KPNB1: variants seen among roughly 807,000 people sequenced by gnomAD.
KPNB1 encodes the protein karyopherin subunit beta 1.
KPNB1 carries 7 observed loss-of-function variants against 113.0 expected under a neutral mutation model. The observed-to-expected ratio is 0.06, with a 90% CI of 0.04 to 0.12. KPNB1 has a LOEUF of 0.12. KPNB1 is among the 10% of genes least tolerant of loss of function. The pLI is 1.00. For missense variants in KPNB1, 400 were observed against 1,054.8 expected (o/e 0.38, Z 8.60); for synonymous variants, 363 against 378.6 (o/e 0.96, Z 0.48).
intron 15 of KPNB1, among the ~76,000 whole-genome samples, chr17:47,675,361 G>GTTTTTTGTTT (rs2030568899): frequency 3.4e-5 from 3 of 88,690 alleles, no homozygotes; most frequent in African/African-American, 4.6e-5. Context: ...CAGAGGTGTT[G>GTTTTTTGTTT]TTTTTTTTTT....
intron 2 of KPNB1, among the ~76,000 whole-genome samples, chr17:47,650,735 G>A (rs1287970305): frequency 2.0e-5 from 3 of 152,200 alleles, no homozygotes; most frequent in East Asian, 1.9e-4. Context: ...GAGAAAGAGG[G>A]AGGGAAGGGA....
rs200123721 is a variant in KPNB1 at position 47,657,024 on chromosome 17, G to A, written c.447G>A (p.Ser149=). 1.1e-4 allele frequency: 183 copies of A among 1,614,008 alleles called. No individual in the cohort carries two copies. Among genetic ancestry groups the A allele is most frequent in the Middle Eastern group, 3.3e-4 (2 of 6,084 alleles). Residue 149 remains serine, a synonymous_variant, in exon 4 of 22, where the codon TCG becomes TCA. Coordinates refer to ENST00000290158, the MANE Select transcript of KPNB1 (RefSeq NM_002265.6). ...NPNSTEHMKE[S]TLEAIGYICQ... ...ACAGCACAGAGCACATGAAGGAGTCGACATTGGAAGCCATCGGTTATATTT... is the reference window on the plus strand; with the variant it reads ...ACAGCACAGAGCACATGAAGGAGTCAACATTGGAAGCCATCGGTTATATTT...
Position 47,650,296 on chromosome 17 carries a change from G to A in KPNB1, c.40+12G>A, listed in dbSNP as rs1293295040. On this transcript the variant is annotated intron_variant, in intron 1 of 21. Coordinates refer to ENST00000290158, the MANE Select transcript of KPNB1 (RefSeq NM_002265.6). ...GACCGTGTCTCCCGGTAGGACGCAG[G>A]AGCCGGGGGTAGGGCTGAGGTGATT... The A allele has an allele frequency of 1.2e-6, 2 of 1,605,968 alleles. No individual in the cohort carries two copies. The highest frequency in any genetic ancestry group is 1.7e-5 in the Admixed American group (1 of 59,022).
chr17:47,658,591 T>C lies in KPNB1; in HGVS notation c.567T>C (p.Asn189=), dbSNP rs1410223422. ...QGMRKEEPSN[N]VKLAATNALL... ...TGAGGAAAGAAGAGCCTAGTAATAA[T>C]GTGAAGCTAGCTGCTACGAATGCAC... is the stretch of plus-strand genomic sequence containing the variant. The change falls in exon 5 of 22, where the codon AAT becomes AAC. Residue 189 remains asparagine (N), a synonymous_variant. Coordinates refer to ENST00000290158, the MANE Select transcript of KPNB1 (RefSeq NM_002265.6). The C allele has an allele frequency of 4.3e-6, 7 of 1,614,006 alleles. No individual in the cohort carries two copies. Among genetic ancestry groups the C allele is most frequent in the Non-Finnish European group, 5.1e-6 (6 of 1,180,010 alleles).
chr17:47,672,130 C>T (rs1172979217), intron 12 of KPNB1, among the ~76,000 whole-genome samples: 5 of 151,444 alleles, frequency 3.3e-5, no homozygotes, highest in Non-Finnish European at 7.4e-5. Flanking sequence ...TTCAGCCTCC[C>T]GAGTAGCTGG....
intron 14 of KPNB1, 93 bp downstream of exon 14, chr17:47,673,654 G>C: frequency 1.0e-6 from 1 of 954,736 alleles, no homozygotes; most frequent in Non-Finnish European, 1.7e-6. Context: ...ACTCGAAAAT[G>C]GTATAGATGA....
chr17:47,678,462 A>G, intron 19 of KPNB1, 49 bp downstream of exon 19: 1 of 1,287,624 alleles, frequency 7.8e-7, no homozygotes, highest in Non-Finnish European at 1.1e-6. Flanking sequence ...ATGTGCACTT[A>G]GCCAAGTGGG....
intron 16 of KPNB1, 126 bp downstream of exon 16, chr17:47,676,617 T>C: frequency 2.9e-6 from 2 of 682,956 alleles, no homozygotes; most frequent in East Asian, 5.4e-5. Flanking sequence ...GGCAAGCTAC[T>C]TTATTCATTG....
At chr17:47,662,063 A>G (rs2030117222) in intron 6 of KPNB1, 1 of 152,174 alleles carries the variant, frequency 6.6e-6, no homozygotes, top group Admixed American at 6.5e-5. Flanking sequence ...TCTGAATAGT[A>G]TTAGTGAATT....
In KPNB1 at chr17:47,668,182, C is replaced by T; in HGVS notation, c.1000-4C>T. 3 of 1,612,026 alleles carry T rather than the reference C, an allele frequency of 1.9e-6. No homozygotes were observed. Among genetic ancestry groups the T allele is most frequent in the South Asian group, 2.2e-5 (2 of 91,036 alleles). On this transcript the variant is annotated splice_polypyrimidine_tract_variant and splice_region_variant and intron_variant, in intron 9 of 21. Transcript: ENST00000290158. ...TCTTAACTAGTGCCATATTCTTTCA[C>T]CAGGACGAAAATGATGATGACGATG...
In KPNB1 at chr17:47,681,981, C is replaced by T. The variant is rs1055773378; in HGVS notation, c.*-423C>T. ...CCAGGTGGTTGGGACTGCAGGCAAGCACCTCCATGACTGGCTAATTTTTTT... is the reference window on the plus strand; with the variant it reads ...CCAGGTGGTTGGGACTGCAGGCAAGTACCTCCATGACTGGCTAATTTTTTT... On this transcript the variant is annotated intron_variant, in intron 21 of 21. Transcript: ENST00000290158. Among the ~76,000 whole-genome samples the T allele has an allele frequency of 4.6e-4, 70 of 152,054 alleles. 1 individual carries two copies. The highest frequency in any genetic ancestry group is 1.6e-3 in the African/African-American group (65 of 41,406).
chr17:47,675,556 C>A (rs2030593893), intron 15 of KPNB1, among the ~76,000 whole-genome samples: 1 of 151,672 alleles, frequency 6.6e-6, no homozygotes, highest in East Asian at 1.9e-4. Context: ...TTTCTATTTT[C>A]TTTCCTGGTA....
At chr17:47,666,245 G>T (rs1374134551) in intron 9 of KPNB1, among the ~76,000 whole-genome samples, 1 of 151,578 alleles carries the variant, frequency 6.6e-6, no homozygotes, top group East Asian at 1.9e-4. Context: ...TAGAAGCGGG[G>T]TTTTGCCATG....
chr17:47,683,090 T>TAAAAAAAAAAAAAA lies in KPNB1; in HGVS notation c.*702_*715dup, dbSNP rs1157291179. 9 of 17,256 alleles carry TAAAAAAAAAAAAAA rather than the reference T, an allele frequency of 5.2e-4. 1 individual carries two copies. Among genetic ancestry groups the TAAAAAAAAAAAAAA allele is most frequent in the African/African-American group, 7.7e-4 (3 of 3,914 alleles). The allele number at this position is 17,256 out of a possible 1,614,324, so 1.1% of individuals were successfully genotyped here. A position where few individuals can be genotyped will look rare whatever the true frequency, so the allele number is the denominator to read the frequency against. On this transcript the variant is annotated 3_prime_UTR_variant, in exon 22 of 22. Coordinates refer to ENST00000290158, the MANE Select transcript of KPNB1 (RefSeq NM_002265.6). ...GTTTACTGATGCAGCACAAGAGATG[T>TAAAAAAAAAAAAAA]AAAAAAAAAAAAAAAAAAAAAAAAA... is the stretch of plus-strand genomic sequence containing the variant.
At chr17:47,681,686 G>GTTTTTTTTTTTTTTTTT (rs59222945) in intron 21 of KPNB1, among the ~76,000 whole-genome samples, 13 of 96,034 alleles carry the variant, frequency 1.4e-4, no homozygotes, top group Non-Finnish European at 1.9e-4. Context: ...GGAATTATAG[G>GTTTTTTTTTTTTTTTTT]TTTTTTTTTT....
At chr17:47,660,395 G>A (rs1567889432) in intron 5 of KPNB1, among the ~76,000 whole-genome samples, 1 of 152,176 alleles carries the variant, frequency 6.6e-6, no homozygotes, top group Non-Finnish European at 1.5e-5. Flanking sequence ...TTTGGCTATT[G>A]TGGGTAATGC....
Position 47,669,876 on chromosome 17 carries a change from G to T in KPNB1, c.1416+7G>T. 1 of 1,571,970 alleles carries T rather than the reference G, an allele frequency of 6.4e-7. No homozygotes were observed. On this transcript the variant is annotated splice_region_variant and intron_variant, in intron 11 of 21. Transcript: ENST00000290158. ...GGCTTCAAATGTGTGCTGGGTAAGGGATTTTCTTGCTGGTGAGAAAAGGAG... is the reference window on the plus strand; with the variant it reads ...GGCTTCAAATGTGTGCTGGGTAAGGTATTTTCTTGCTGGTGAGAAAAGGAG...
rs535052505 is a variant in KPNB1 at position 47,671,272 on chromosome 17, ATGAT to A, written c.1547+451_1547+454del. ...AACTCGTCTCAAAAAAAAGAATTCC[ATGAT>A]TGATTGATTGGTTTGTTTAAAGATG... On this transcript the variant is annotated intron_variant, in intron 12 of 21. Coordinates refer to ENST00000290158, the MANE Select transcript of KPNB1 (RefSeq NM_002265.6). Among the ~76,000 whole-genome samples the A allele has an allele frequency of 4.5e-3, 682 of 152,264 alleles. 2 individuals are homozygous for A. The highest frequency in any genetic ancestry group is 7.1e-3 in the Non-Finnish European group (486 of 68,008).
chr17:47,662,447 G>A (rs1377161000), intron 6 of KPNB1, among the ~76,000 whole-genome samples: 1 of 152,006 alleles, frequency 6.6e-6, no homozygotes, highest in African/African-American at 2.4e-5. Context: ...GTGATGGGGC[G>A]AGCCTGTAGT....
Sources: allele counts gnomAD v4.1 joint callset (sites outside exome capture counted in the v4.1 genomes callset), GRCh38; gene constraint gnomAD v4.1.1; transcripts MANE v1.5; gene names NCBI Gene and HGNC (gene_info 2026-07-23, HGNC 2026-07-21).